Variants in TTLL11 observed in about 807,000 individuals in gnomAD.
TTLL11 encodes tubulin polyglutamylase TTLL11.
In TTLL11, 42 loss-of-function variants were observed where a neutral mutation model predicts 51.7. The ratio of observed to expected loss-of-function variants is 0.81; its 90% CI spans 0.64 to 1.05. The LOEUF (loss-of-function observed/expected upper bound fraction) is 1.05. TTLL11 is among the 50% of genes least tolerant of loss of function. The pLI is 0.00. For synonymous variants in TTLL11, 381 were observed against 383.5 expected (o/e 0.99, Z 0.08); for missense variants, 799 against 940.4 (o/e 0.85, Z 1.97).
intron 1 of TTLL11, among the ~76,000 whole-genome samples, chr9:122,088,141 T>C (rs545940864): frequency 1.3e-5 from 2 of 152,328 alleles, no homozygotes; most frequent in East Asian, 3.9e-4. Flanking sequence ...CGCAAGCTTC[T>C]TGGCATGGCC....
At chr9:121,909,333 C>T (rs1446551488) in intron 6 of TTLL11, among the ~76,000 whole-genome samples, 1 of 152,032 alleles carries the variant, frequency 6.6e-6, no homozygotes, top group African/African-American at 2.4e-5. Flanking sequence ...GCAATCACTC[C>T]CTGCCGCCGT....
chr9:121,898,278 G>T (rs1163858849), intron 6 of TTLL11, among the ~76,000 whole-genome samples: 1 of 152,218 alleles, frequency 6.6e-6, no homozygotes, highest in East Asian at 1.9e-4. Flanking sequence ...AAGCTGGGAC[G>T]CTAGAAAGGG....
At chr9:122,079,928 G>A (rs993231563) in intron 1 of TTLL11, among the ~76,000 whole-genome samples, 6 of 151,984 alleles carry the variant, frequency 3.9e-5, no homozygotes, top group African/African-American at 1.2e-4. Context: ...AGGCGTTCAC[G>A]ACTAGCCCGG....
At chr9:121,875,689 T>C (rs1273417693) in intron 6 of TTLL11, among the ~76,000 whole-genome samples, 2 of 152,236 alleles carry the variant, frequency 1.3e-5, no homozygotes, top group Non-Finnish European at 2.9e-5. Flanking sequence ...CCATCACAAA[T>C]ATGTAAGATC....
At chr9:122,089,955 A>G (rs776402147) in intron 1 of TTLL11, among the ~76,000 whole-genome samples, 1 of 152,106 alleles carries the variant, frequency 6.6e-6, no homozygotes, top group Non-Finnish European at 1.5e-5. Context: ...CATTCAGTGA[A>G]TTATGTTTTA....
At chr9:122,052,842 C>T (rs1845197801) in intron 1 of TTLL11, among the ~76,000 whole-genome samples, 3 of 152,166 alleles carry the variant, frequency 2.0e-5, no homozygotes, top group Admixed American at 2.0e-4. Context: ...CTCAGCCCTG[C>T]CAACTATTAA....
intron 1 of TTLL11, among the ~76,000 whole-genome samples, chr9:122,063,315 T>C (rs1209968149): frequency 1.3e-5 from 2 of 152,208 alleles, no homozygotes; most frequent in African/African-American, 2.4e-5. Flanking sequence ...ATCGACCTAT[T>C]TGAAGATCCA....
chr9:121,861,087 G>GC (rs1837990879), intron 7 of TTLL11, among the ~76,000 whole-genome samples: 1 of 130,994 alleles, frequency 7.6e-6, no homozygotes, highest in Non-Finnish European at 1.7e-5. Flanking sequence ...CAAGGCAAGT[G>GC]TTTTTTTTTT....
At chr9:121,898,238 C>T (rs1415458008) in intron 6 of TTLL11, among the ~76,000 whole-genome samples, 2 of 152,192 alleles carry the variant, frequency 1.3e-5, no homozygotes, top group African/African-American at 2.4e-5. Flanking sequence ...TTAAAACCTG[C>T]TGTCACCACC....
intron 7 of TTLL11, 121 bp downstream of exon 7, chr9:121,870,376 T>C: frequency 7.7e-7 from 1 of 1,299,784 alleles, no homozygotes; most frequent in Non-Finnish European, 1.0e-6. Flanking sequence ...CAAGCTCAAA[T>C]GGGGTACTGA....
Position 121,820,366 on chromosome 9 carries a change from G to A in TTLL11, c.*2221C>T, listed in dbSNP as rs1179052484. Among the ~76,000 whole-genome samples the A allele has an allele frequency of 6.6e-6, 1 of 152,176 alleles. No homozygotes were observed. The highest frequency in any genetic ancestry group is 1.5e-5 in the Non-Finnish European group (1 of 68,032). ...GTGGCTCCCAGCTGATGACAAGTGTGCCCAGACATGCTTACTCTGGTCTTT... is the reference window on the plus strand; with the variant it reads ...GTGGCTCCCAGCTGATGACAAGTGTACCCAGACATGCTTACTCTGGTCTTT... On this transcript the variant is annotated 3_prime_UTR_variant, in exon 9 of 9. Coordinates refer to ENST00000321582, the MANE Select transcript of TTLL11 (RefSeq NM_001139442.2).
At chr9:121,847,912 C>T (rs371994282) in intron 8 of TTLL11, among the ~76,000 whole-genome samples, 1 of 152,150 alleles carries the variant, frequency 6.6e-6, no homozygotes, top group South Asian at 2.1e-4. Context: ...AATAAAATAT[C>T]AGCAAATTGA....
chr9:122,018,106 C>T (rs1009165523), intron 3 of TTLL11, among the ~76,000 whole-genome samples: 4 of 139,580 alleles, frequency 2.9e-5, no homozygotes, highest in Non-Finnish European at 6.0e-5. Context: ...AATAATAATG[C>T]CACTTTTTTT....
intron 6 of TTLL11, among the ~76,000 whole-genome samples, chr9:121,911,939 A>T (rs181793947): frequency 1.5e-4 from 23 of 152,348 alleles, no homozygotes; most frequent in Middle Eastern, 6.8e-3. Flanking sequence ...ATAAAAAAAA[A>T]TTTTAAAAAA....
chr9:121,909,992 C>A (rs1404069495), intron 6 of TTLL11, among the ~76,000 whole-genome samples: 1 of 152,104 alleles, frequency 6.6e-6, no homozygotes, highest in African/African-American at 2.4e-5. Flanking sequence ...GTCTAAGATG[C>A]GATTTTCCCC....
At chr9:121,904,476 A>C (rs944588792) in intron 6 of TTLL11, among the ~76,000 whole-genome samples, 4 of 152,216 alleles carry the variant, frequency 2.6e-5, no homozygotes, top group African/African-American at 9.6e-5. Flanking sequence ...CGCCCAGCCC[A>C]ATACATTCCT....
At chr9:121,965,409 G>A (rs1766771688) in intron 6 of TTLL11, among the ~76,000 whole-genome samples, 1 of 152,148 alleles carries the variant, frequency 6.6e-6, no homozygotes, top group Non-Finnish European at 1.5e-5. Context: ...AGAGAGAAGC[G>A]GGAGCTGCCA....
chr9:122,078,625 T>C (rs1375304601), intron 1 of TTLL11, among the ~76,000 whole-genome samples: 1 of 152,260 alleles, frequency 6.6e-6, no homozygotes, highest in African/African-American at 2.4e-5. Flanking sequence ...GTCTTCATTA[T>C]GTACTTGGCA....
chr9:121,898,290 G>A (rs1184741783), intron 6 of TTLL11, among the ~76,000 whole-genome samples: 1 of 152,252 alleles, frequency 6.6e-6, no homozygotes, highest in Admixed American at 6.5e-5. Flanking sequence ...TAGAAAGGGA[G>A]AGACGGTGCT....
Sources: allele counts gnomAD v4.1 joint callset (sites outside exome capture counted in the v4.1 genomes callset), GRCh38; gene constraint gnomAD v4.1.1; transcripts MANE v1.5; gene names NCBI Gene and HGNC (gene_info 2026-07-23, HGNC 2026-07-21).